EGFR: variants seen among roughly 807,000 people sequenced by gnomAD.
The protein encoded by EGFR is epidermal growth factor receptor.
In EGFR, 58 loss-of-function variants were observed where a neutral mutation model predicts 143.0. The ratio of observed to expected loss-of-function variants is 0.41; its 90% CI spans 0.33 to 0.50. The LOEUF (loss-of-function observed/expected upper bound fraction) is 0.50. Ranked by LOEUF, EGFR falls within the 20% of genes least tolerant of loss-of-function variation. The pLI is 0.39. For synonymous variants in EGFR, 613 were observed against 594.4 expected, an observed-to-expected ratio of 1.03 and a Z score of -0.45; for missense variants, 1,307 against 1,579.0, an observed-to-expected ratio of 0.83 and a Z score of 2.92.
rs1268360400 is a variant in EGFR, at chr7:55,146,631, C to T, written c.450C>T (p.Phe150=). ...AAATCCTGCATGGCGCCGTGCGGTT[C>T]AGCAACAACCCTGCCCTGTGCAACG... ...LQEILHGAVR[F]SNNPALCNVE... is the part of the protein sequence containing the mutation. Residue 150 remains phenylalanine, a synonymous_variant, in exon 4 of 28, where the codon TTC becomes TTT. Transcript: ENST00000275493. The T allele has an allele frequency of 6.2e-7, 1 of 1,614,030 alleles. No individual in the cohort carries two copies. Among genetic ancestry groups the T allele is most frequent in the Admixed American group, 1.7e-5 (1 of 60,028 alleles).
intron 21 of EGFR, 28 bp from the exon 22 acceptor site, chr7:55,192,738 T>C (rs1787454245): frequency 6.2e-7 from 1 of 1,603,212 alleles, no homozygotes; most frequent in Non-Finnish European, 8.5e-7. Flanking sequence ...AATAGTTGTC[T>C]CACTGCCTCA....
rs182749612 is a variant in EGFR, at chr7:55,186,144, G to T, written c.2469+4666G>T. Among the ~76,000 whole-genome samples, 177 of 152,362 alleles carry T rather than the reference G, an allele frequency of 1.2e-3. 2 individuals are homozygous for T. Among genetic ancestry groups the T allele is most frequent in the African/African-American group, 4.2e-3 (175 of 41,584 alleles). On this transcript the variant is annotated intron_variant, in intron 20 of 27. Coordinates refer to ENST00000275493, the MANE Select transcript of EGFR (RefSeq NM_005228.5). Reference sequence around the variant, plus strand: ...CCAGGTCACGAAAACCACGCTGACAGATCGTGCTGTGTGCGTGTCATAGCA... The same window carrying T: ...CCAGGTCACGAAAACCACGCTGACATATCGTGCTGTGTGCGTGTCATAGCA...
intron 20 of EGFR, among the ~76,000 whole-genome samples, chr7:55,187,051 G>A (rs972396153): frequency 2.2e-4 from 33 of 152,202 alleles, no homozygotes; most frequent in African/African-American, 8.0e-4. Flanking sequence ...CGGACAGGGC[G>A]TGAAGGCACT....
At chr7:55,094,903 G>T (rs891456960) in intron 1 of EGFR, among the ~76,000 whole-genome samples, 1 of 152,140 alleles carries the variant, frequency 6.6e-6, no homozygotes, top group Non-Finnish European at 1.5e-5. Context: ...GGACCATTTT[G>T]GACCTTGGCA....
intron 1 of EGFR, among the ~76,000 whole-genome samples, chr7:55,024,980 A>C (rs1220904215): frequency 6.6e-6 from 1 of 152,172 alleles, no homozygotes; most frequent in East Asian, 1.9e-4. Flanking sequence ...TTATATGATT[A>C]TTTCCCCAGA....
intron 15 of EGFR, chr7:55,168,637 A>G: frequency 4.6e-6 from 7 of 1,511,802 alleles, no homozygotes; most frequent in Non-Finnish European, 6.3e-6. Flanking sequence ...TTCATTTGAC[A>G]TATGGAATTT....
chr7:55,172,936 A>T (rs2128952301), intron 16 of EGFR, 47 bp from the exon 17 acceptor site: 6 of 1,614,068 alleles, frequency 3.7e-6, no homozygotes, highest in Non-Finnish European at 5.1e-6. Context: ...AAGGCCATGG[A>T]ATCTGTCAGC....
At chr7:55,105,850 G>A (rs1584050803) in intron 1 of EGFR, among the ~76,000 whole-genome samples, 1 of 152,160 alleles carries the variant, frequency 6.6e-6, no homozygotes, top group East Asian at 1.9e-4. Flanking sequence ...CTGTTTGGTA[G>A]ATAAGACATA....
rs564932058 is a variant in EGFR at position 55,081,458 on chromosome 7, G to A, written c.89-60828G>A. On this transcript the variant is annotated intron_variant, in intron 1 of 27. Coordinates refer to ENST00000275493, the MANE Select transcript of EGFR (RefSeq NM_005228.5). ...ATGAGTGTTGCAGACTCCCGACAAA[G>A]GCCAGGTGGTAAAGTGTGGTGTCTG... Among the ~76,000 whole-genome samples the A allele has an allele frequency of 8.1e-4, 123 of 152,286 alleles. 1 individual carries two copies. The highest frequency in any genetic ancestry group is 2.9e-3 in the African/African-American group (121 of 41,560).
intron 1 of EGFR, among the ~76,000 whole-genome samples, chr7:55,117,670 C>T (rs1001349633): frequency 6.6e-6 from 1 of 152,162 alleles, no homozygotes; most frequent in Non-Finnish European, 1.5e-5. Context: ...GGCGGTATTC[C>T]CTTCTGCGCC....
intron 1 of EGFR, among the ~76,000 whole-genome samples, chr7:55,041,359 C>T (rs11971253): frequency 0.048 from 7,358 of 152,034 alleles, 305 homozygotes; most frequent in South Asian, 0.16. Flanking sequence ...TGCAGTGAGC[C>T]GAGATCACGC....
At chr7:55,174,077 C>G (rs747534770) in intron 18 of EGFR, 34 bp downstream of exon 18, 1 of 1,613,830 alleles carries the variant, frequency 6.2e-7, no homozygotes, top group Non-Finnish European at 8.5e-7. Context: ...TGGGCTGGGC[C>G]GCAGGGCCTC....
At chr7:55,171,954 G>A (rs548512643) in intron 16 of EGFR, among the ~76,000 whole-genome samples, 7 of 152,052 alleles carry the variant, frequency 4.6e-5, no homozygotes, top group African/African-American at 7.2e-5. Context: ...ATGCTCCTCC[G>A]CCCCCGAGTT....
intron 1 of EGFR, among the ~76,000 whole-genome samples, chr7:55,101,415 G>C (rs1791818816): frequency 6.6e-6 from 1 of 152,246 alleles, no homozygotes. Flanking sequence ...TGTGGAGCGA[G>C]GCTGAGTTCT....
chr7:55,075,588 C>T (rs773041621), intron 1 of EGFR, among the ~76,000 whole-genome samples: 11 of 152,102 alleles, frequency 7.2e-5, no homozygotes, highest in Non-Finnish European at 1.2e-4. Context: ...GAGACACATC[C>T]TCTTGAGCTG....
intron 19 of EGFR, among the ~76,000 whole-genome samples, chr7:55,178,994 G>A (rs181957195): frequency 6.6e-6 from 1 of 152,336 alleles, no homozygotes; most frequent in Admixed American, 6.5e-5. Context: ...TGTTGAAGAA[G>A]CAAAGGTCCA....
chr7:55,179,066 T>G (rs2128956887), intron 19 of EGFR, among the ~76,000 whole-genome samples: 1 of 152,328 alleles, frequency 6.6e-6, no homozygotes, highest in Non-Finnish European at 1.5e-5. Flanking sequence ...TGAGTCAACG[T>G]AAGAGCAAGT....
chr7:55,176,946 A>AAT lies in EGFR; in HGVS notation c.2283+2137_2283+2138dup, dbSNP rs545605792. 3.1e-3 allele frequency among the ~76,000 whole-genome samples: 465 copies of AAT among 147,960 alleles called. 2 individuals are homozygous for AAT. The highest frequency in any genetic ancestry group is 0.011 in the African/African-American group (440 of 40,584). On this transcript the variant is annotated intron_variant, in intron 19 of 27. Coordinates refer to ENST00000275493, the MANE Select transcript of EGFR (RefSeq NM_005228.5). ...CTAAATATATATATATCTCTCTCTA[A>AAT]ATATATATATATCCCTAAATATATT...
In EGFR at chr7:55,143,416, G is replaced by T. The variant is rs1249939049; in HGVS notation, c.352G>T (p.Ala118Ser). Residue 118 changes from alanine to serine, a missense_variant, in exon 3 of 28, where the codon GCC (alanine) becomes TCC (serine). Physicochemically the swap from Ala to Ser is moderately conservative, Grantham distance 99. Around this residue, in one of 7 missense-constraint regions of EGFR, gnomAD observed 311 missense variants for 412.3 expected, o/e 0.75. Transcript: ENST00000275493. The part of the protein sequence containing the change: ...RGNMYYENSY[A>S]LAVLSNYDAN... ...AAATATGTACTACGAAAATTCCTATGCCTTAGCAGTCTTATCTAACTATGA... is the reference window on the plus strand; with the variant it reads ...AAATATGTACTACGAAAATTCCTATTCCTTAGCAGTCTTATCTAACTATGA... 2.5e-6 allele frequency: 4 copies of T among 1,614,074 alleles called. No individual in the cohort carries two copies. Among genetic ancestry groups the T allele is most frequent in the Non-Finnish European group, 3.4e-6 (4 of 1,180,042 alleles).
Sources: gnomAD v4.1 joint callset for allele counts (sites outside exome capture counted in the v4.1 genomes callset) on GRCh38, gnomAD v4.1.1 for gene constraint, gnomAD v4.1.1 regional missense constraint, MANE v1.5 for transcripts, NCBI Gene and HGNC (gene_info 2026-07-23, HGNC 2026-07-21) for gene names.